XIST: variants seen among roughly 807,000 people sequenced by gnomAD.
XIST encodes the protein X inactive specific transcript.
intron 5 of XIST, chrX:73,827,985 CT>C (rs1569511762): frequency 2.0e-6 from 1 of 503,773 alleles, no homozygotes; most frequent in Admixed American, 2.8e-5. Context: ...GAAATACACA[CT>C]TGAGTGCAAG....
chrX:73,843,659 A>T lies in XIST; in HGVS notation n.9065T>A, dbSNP rs778885660. 137 of 557,123 alleles carry T rather than the reference A, an allele frequency of 2.5e-4. No homozygotes were observed. In the East Asian group the frequency reaches 3.9e-3, roughly 16 times the overall value. The allele number at this position is 557,123 out of a possible 1,213,427, so 45.9% of individuals were successfully genotyped here. Reference sequence around the variant, plus strand: ...AGTGAATATCATCCCCCTGCTCTAAAGCAAAGGTGGTACAGGAACATGCTT... The same window carrying T: ...AGTGAATATCATCCCCCTGCTCTAATGCAAAGGTGGTACAGGAACATGCTT... On this transcript the variant is annotated non_coding_transcript_exon_variant, in exon 1 of 6. Coordinates refer to ENST00000429829, the Ensembl canonical transcript of XIST.
chrX:73,847,327 A>C (rs778576833), exon 1 of XIST: 34 of 530,191 alleles, frequency 6.4e-5, no homozygotes, highest in Admixed American at 5.2e-4. Context: ...ATAAGAGAAG[A>C]AGCACTAGCT....
chrX:73,825,243 C>A (rs1475119601), exon 6 of XIST: 1 of 558,954 alleles, frequency 1.8e-6, no homozygotes, highest in Non-Finnish European at 3.2e-6. Context: ...TGCATTTTTA[C>A]TCAAAATTAC....
chrX:73,833,484 G>A lies in XIST; in HGVS notation n.11407-110C>T, dbSNP rs1005318530. 3 of 439,548 alleles carry A rather than the reference G, an allele frequency of 6.8e-6. No individual in the cohort carries two copies. In the African/African-American group the frequency reaches 7.3e-5, roughly 11 times the overall value. The allele number at this position is 439,548 out of a possible 1,213,427, so 36.2% of individuals were successfully genotyped here. ...CTAGGAAGTATAAACTGAAGCATTA[G>A]ACATAGGTATCTCCTGTCTCTACTT... On this transcript the variant is annotated intron_variant and non_coding_transcript_variant, in intron 2 of 5. Transcript: ENST00000429829.
chrX:73,843,307 C>T (rs766224701), exon 1 of XIST: 3 of 558,427 alleles, frequency 5.4e-6, no homozygotes, highest in Non-Finnish European at 9.7e-6. Flanking sequence ...TCAGTACCCC[C>T]GATGTAAGCA....
At chrX:73,825,614 C>A in exon 6 of XIST, 2 of 514,201 alleles carry the variant, frequency 3.9e-6, no homozygotes, top group Non-Finnish European at 7.0e-6. Context: ...GGCTCAAAAA[C>A]TAAGAATGAT....
At chrX:73,840,348 A>G (rs1204572195) in intron 1 of XIST, among the ~76,000 whole-genome samples, 2 of 111,130 alleles carry the variant, frequency 1.8e-5, no homozygotes, top group Non-Finnish European at 3.8e-5. Flanking sequence ...CTGAGGAAAT[A>G]TGGATATGAA....
exon 1 of XIST, chrX:73,841,935 T>A: frequency 1.9e-6 from 1 of 528,994 alleles, no homozygotes; most frequent in South Asian, 2.4e-5. Context: ...TTAGGTAGTT[T>A]TTCTAAAAGT....
chrX:73,844,482 G>A (rs200964416), exon 1 of XIST: 50 of 557,440 alleles, frequency 9.0e-5, no homozygotes, highest in Non-Finnish European at 1.6e-4. Context: ...GGGTCTGAGA[G>A]TAGGACTTTA....
chrX:73,826,247 T>C (rs1331634287), exon 6 of XIST: 1 of 559,244 alleles, frequency 1.8e-6, no homozygotes, highest in Non-Finnish European at 3.2e-6. Context: ...CCTGGCACTT[T>C]TTTTTCCCCA....
chrX:73,830,290 T>A (rs142445139), intron 4 of XIST, among the ~76,000 whole-genome samples: 1,682 of 112,303 alleles, frequency 0.015, 81 homozygotes, highest in South Asian at 0.11. Flanking sequence ...TTAGTAACTC[T>A]CTATTTCTAA....
exon 1 of XIST, chrX:73,851,322 A>T (rs773085772): frequency 3.6e-6 from 2 of 559,122 alleles, no homozygotes; most frequent in South Asian, 4.4e-5. Flanking sequence ...CGAAAAGCAC[A>T]CAGCAAAGAC....
exon 1 of XIST, chrX:73,849,316 G>A: frequency 1.8e-6 from 1 of 559,102 alleles, no homozygotes; most frequent in Admixed American, 2.2e-5. Context: ...TCCAACAAAA[G>A]ACGGGTTGTC....
exon 1 of XIST, chrX:73,845,903 G>A (rs1055685071): frequency 7.2e-6 from 4 of 557,790 alleles, no homozygotes; most frequent in Non-Finnish European, 1.3e-5. Context: ...CCAAGAAAAG[G>A]GGCCTTGGTG....
exon 6 of XIST, chrX:73,825,880 A>G (rs1922239463): frequency 1.8e-6 from 1 of 557,412 alleles, no homozygotes. Flanking sequence ...CATAAACAGG[A>G]AGAAAAAAAT....
At chrX:73,824,097 TA>T in exon 6 of XIST, 2 of 550,407 alleles carry the variant, frequency 3.6e-6, no homozygotes, top group Non-Finnish European at 6.6e-6. Flanking sequence ...AGATATAGCT[TA>T]TATATGGGTG....
chrX:73,852,467 T>A lies in XIST; in HGVS notation n.257A>T, dbSNP rs1249678934. The A allele has an allele frequency of 5.5e-6, 3 of 545,789 alleles. No homozygotes were observed. The East Asian group carries it at 9.9e-5, about 18-fold the overall frequency. The allele number at this position is 545,789 out of a possible 1,213,427, so 45.0% of individuals were successfully genotyped here. A position where few individuals can be genotyped will look rare whatever the true frequency, so the allele number is the denominator to read the frequency against. ...AACCAAAAATGATTCCAAAGAAAAA[T>A]TCCTTAAATATTAAAAATTGCCTCA... On this transcript the variant is annotated non_coding_transcript_exon_variant, in exon 1 of 6. Transcript: ENST00000429829.
exon 1 of XIST, chrX:73,843,846 G>T (rs755330810): frequency 1.8e-6 from 1 of 557,079 alleles, no homozygotes; most frequent in African/African-American, 2.2e-5. Flanking sequence ...CAGGACTTTG[G>T]TTGATCAGGA....
chrX:73,849,617 A>G, exon 1 of XIST: 1 of 558,728 alleles, frequency 1.8e-6, no homozygotes, highest in Admixed American at 2.2e-5. Context: ...CGTACCGAGT[A>G]AGGAAATTCT....
Sources: gnomAD v4.1 joint callset for allele counts (sites outside exome capture counted in the v4.1 genomes callset) on GRCh38, gnomAD v4.1.1 for gene constraint, MANE v1.5 for transcripts, NCBI Gene and HGNC (gene_info 2026-07-23, HGNC 2026-07-21) for gene names.